ZFYVE21: variants seen among roughly 807,000 people sequenced by gnomAD.
The protein encoded by ZFYVE21 is zinc finger FYVE-type containing 21.
Under a neutral mutation model 29.5 loss-of-function variants are expected in ZFYVE21, and 21 were observed. The observed-to-expected ratio is 0.71, with a 90% CI of 0.50 to 1.02. The LOEUF (loss-of-function observed/expected upper bound fraction) is 1.02. Ranked by LOEUF, ZFYVE21 falls within the 50% of genes least tolerant of loss-of-function variation. ZFYVE21 has a pLI of 0.00. For missense variants in ZFYVE21, 326 were observed against 335.4 expected (o/e 0.97, Z 0.22); for synonymous variants, 151 against 133.8 (o/e 1.13, Z -0.89).
chr14:103,732,591 GGCC>G, intron 5 of ZFYVE21, 26 bp from the exon 6 acceptor site: 1 of 1,532,482 alleles, frequency 6.5e-7, no homozygotes, highest in Non-Finnish European at 8.8e-7. Context: ...GCCTCCTTTG[GGCC>G]GTCTTACCTC....
chr14:103,717,160 C>T (rs953065171), intron 1 of ZFYVE21, among the ~76,000 whole-genome samples: 4 of 152,130 alleles, frequency 2.6e-5, no homozygotes, highest in South Asian at 2.1e-4. Context: ...CTACAGTGTA[C>T]GGAGCCATCA....
intron 1 of ZFYVE21, among the ~76,000 whole-genome samples, chr14:103,723,878 G>A (rs888814035): frequency 6.6e-6 from 1 of 152,236 alleles, no homozygotes; most frequent in African/African-American, 2.4e-5. Context: ...CCGCAGGCTG[G>A]AGGGAGGCCC....
At chr14:103,717,799 A>G (rs1421502811) in intron 1 of ZFYVE21, among the ~76,000 whole-genome samples, 1 of 152,240 alleles carries the variant, frequency 6.6e-6, no homozygotes, top group African/African-American at 2.4e-5. Context: ...CTTGGGGGAC[A>G]GAGAAACCAT....
chr14:103,726,576 G>T (rs529119509), intron 1 of ZFYVE21: 69 of 593,296 alleles, frequency 1.2e-4, no homozygotes, highest in Admixed American at 9.7e-4. Context: ...TGCATCTCCC[G>T]CAGGCCTGGG....
intron 1 of ZFYVE21, chr14:103,724,585 C>T (rs1436159482): frequency 1.3e-5 from 2 of 152,202 alleles, no homozygotes; most frequent in South Asian, 2.1e-4. Context: ...GGGGGCTCTT[C>T]GTGGAGCGAA....
chr14:103,727,249 A>G (rs2083935809), intron 2 of ZFYVE21: 2 of 353,594 alleles, frequency 5.7e-6, no homozygotes, highest in African/African-American at 2.1e-5. Flanking sequence ...CCCAGCCGTT[A>G]TGGCTCATTT....
intron 1 of ZFYVE21, among the ~76,000 whole-genome samples, chr14:103,719,321 G>A (rs547263316): frequency 1.2e-4 from 18 of 152,074 alleles, no homozygotes; most frequent in African/African-American, 4.1e-4. Flanking sequence ...TTAGTCGGGC[G>A]TGGTGGTGTG....
intron 5 of ZFYVE21, chr14:103,731,776 G>A (rs1486417370): frequency 6.6e-6 from 1 of 152,264 alleles, no homozygotes; most frequent in African/African-American, 2.4e-5. Flanking sequence ...GTCTGATGGA[G>A]GGGTCTCCTG....
At chr14:103,721,413 T>C (rs2083871503) in intron 1 of ZFYVE21, among the ~76,000 whole-genome samples, 1 of 152,198 alleles carries the variant, frequency 6.6e-6, no homozygotes, top group African/African-American at 2.4e-5. Flanking sequence ...TGTGTCCATA[T>C]AGCTTCCCGC....
intron 5 of ZFYVE21, 96 bp downstream of exon 5, chr14:103,729,278 TGAG>T: frequency 8.0e-7 from 1 of 1,242,764 alleles, no homozygotes; most frequent in Non-Finnish European, 1.1e-6. Context: ...GCAGCTGCCC[TGAG>T]GAGTGGGGTC....
At chr14:103,731,628 C>T (rs985982585) in intron 5 of ZFYVE21, 1 of 152,202 alleles carries the variant, frequency 6.6e-6, no homozygotes, top group African/African-American at 2.4e-5. Flanking sequence ...AAATGTGGTT[C>T]CGGGGCCTCC....
At chr14:103,721,383 T>C (rs1376508200) in intron 1 of ZFYVE21, among the ~76,000 whole-genome samples, 2 of 152,206 alleles carry the variant, frequency 1.3e-5, no homozygotes, top group Non-Finnish European at 2.9e-5. Context: ...TGGCCCCGCT[T>C]CCCTTGAGAC....
At position 103,733,140 on chromosome 14, in the gene ZFYVE21, C is replaced by G; in HGVS notation, c.*122C>G. On this transcript the variant is annotated 3_prime_UTR_variant, in exon 7 of 7. Coordinates refer to ENST00000311141, the MANE Select transcript of ZFYVE21 (RefSeq NM_024071.4). ...TGCTTGTGCTGGGAAATGCAACTCA[C>G]TCATGTATTTGGAGAAACAGGAGTG... 7.5e-7 allele frequency: 1 copy of G among 1,328,092 alleles called. No individual in the cohort carries two copies. The highest frequency in any genetic ancestry group is 1.3e-5 in the South Asian group (1 of 79,178). 82.3% of individuals were successfully genotyped at this position (1,328,092 alleles called of 1,614,324 possible).
chr14:103,727,388 C>T (rs879734914), intron 2 of ZFYVE21: 1 of 396,000 alleles, frequency 2.5e-6, no homozygotes, highest in Non-Finnish European at 4.9e-6. Flanking sequence ...CCCCTCCGCC[C>T]CGTCCCCGTG....
At chr14:103,724,509 A>G (rs1460641204) in intron 1 of ZFYVE21, 1 of 152,220 alleles carries the variant, frequency 6.6e-6, no homozygotes, top group African/African-American at 2.4e-5. Context: ...TCAGGCCCTC[A>G]GTTTATGCTC....
intron 1 of ZFYVE21, among the ~76,000 whole-genome samples, chr14:103,717,704 C>T (rs1448412373): frequency 6.6e-6 from 1 of 152,254 alleles, no homozygotes; most frequent in Non-Finnish European, 1.5e-5. Flanking sequence ...GGCGTGGTGG[C>T]AGGATACCCC....
intron 1 of ZFYVE21, among the ~76,000 whole-genome samples, chr14:103,718,895 C>T (rs979323527): frequency 6.6e-6 from 1 of 152,282 alleles, no homozygotes; most frequent in Non-Finnish European, 1.5e-5. Context: ...AGCCTGGACT[C>T]GGATGAGGAG....
chr14:103,718,310 C>T (rs1159532438), intron 1 of ZFYVE21, among the ~76,000 whole-genome samples: 2 of 152,180 alleles, frequency 1.3e-5, no homozygotes, highest in African/African-American at 4.8e-5. Context: ...GCCCGTCTCC[C>T]GAATACCAGC....
At chr14:103,726,121 A>T (rs1373167860) in intron 1 of ZFYVE21, 2 of 152,302 alleles carry the variant, frequency 1.3e-5, no homozygotes, top group Admixed American at 1.3e-4. Context: ...GGGCGTCCCC[A>T]GGCCTGGCGC....
Sources: gnomAD v4.1 joint callset for allele counts (sites outside exome capture counted in the v4.1 genomes callset) on GRCh38, gnomAD v4.1.1 for gene constraint, MANE v1.5 for transcripts, NCBI Gene and HGNC (gene_info 2026-07-23, HGNC 2026-07-21) for gene names.